Variants in MYO7A observed in about 807,000 individuals in gnomAD.
MYO7A encodes unconventional myosin-VIIa.
In MYO7A, 210 loss-of-function variants were observed where a neutral mutation model predicts 263.8. That is an observed-to-expected ratio of 0.80 (90% CI 0.71 to 0.89). The LOEUF is 0.89. Ranked by LOEUF, MYO7A falls within the 40% of genes least tolerant of loss-of-function variation. The pLI, the probability that MYO7A is intolerant of heterozygous loss-of-function variation, is 0.00. For synonymous variants in MYO7A, 1,239 were observed against 1,197.3 expected (o/e 1.03, Z -0.72); for missense variants, 2,820 against 2,968.3 (o/e 0.95, Z 1.16).
chr11:77,160,996 G>A lies in MYO7A; in HGVS notation c.1224G>A (p.Val408=). The A allele has an allele frequency of 6.2e-7, 1 of 1,610,682 alleles. No homozygotes were observed. Among genetic ancestry groups the A allele is most frequent in the Non-Finnish European group, 8.5e-7 (1 of 1,178,602 alleles). ...FVKGIYGRLF[V]WIVDKINAAI... ...AGGGGATCTACGGGCGGCTGTTCGT[G>A]TGGATTGTGGACAAGATCAACGCAG... The change falls in exon 12 of 49, where the codon GTG becomes GTA. Residue 408 remains valine, a synonymous_variant. Coordinates refer to ENST00000409709, the MANE Select transcript of MYO7A (RefSeq NM_000260.4).
rs782041910 is a variant in MYO7A, at chr11:77,156,103, A to T, written c.470+12A>T. ...TGCTGCATCATCAGGTGGGCGGCCC[A>T]GCACCTGTGTGGAGCTCCAGGCTTA... On this transcript the variant is annotated intron_variant, in intron 5 of 48. Coordinates refer to ENST00000409709, the MANE Select transcript of MYO7A (RefSeq NM_000260.4). 1 of 1,613,126 alleles carries T rather than the reference A, an allele frequency of 6.2e-7. No homozygotes were observed. The highest frequency in any genetic ancestry group is 8.5e-7 in the Non-Finnish European group (1 of 1,179,634).
Position 77,207,405 on chromosome 11 carries a change from G to A in MYO7A, c.5856+3G>A. ...TCTTTGTCAAAATTGCAGACAAGGT[G>A]GGTCCTTTGCCACCTTCGCCAAGGT... On this transcript the variant is annotated splice_donor_region_variant and intron_variant, in intron 42 of 48. Coordinates refer to ENST00000409709, the MANE Select transcript of MYO7A (RefSeq NM_000260.4). The A allele has an allele frequency of 2.5e-6, 4 of 1,594,988 alleles. No homozygotes were observed. Among genetic ancestry groups the A allele is most frequent in the Non-Finnish European group, 3.4e-6 (4 of 1,168,118 alleles).
chr11:77,143,511 G>A (rs1345017106), intron 3 of MYO7A, among the ~76,000 whole-genome samples: 1 of 152,238 alleles, frequency 6.6e-6, no homozygotes, highest in Non-Finnish European at 1.5e-5. Flanking sequence ...GGGGAGGGAA[G>A]GAGAGGTCTG....
intron 7 of MYO7A, 125 bp downstream of exon 7, chr11:77,157,129 C>A: frequency 6.9e-7 from 1 of 1,452,926 alleles, no homozygotes; most frequent in Non-Finnish European, 9.4e-7. Flanking sequence ...TGCCTGCTTC[C>A]CTCTGTGCTG....
rs1555085436 is a variant in MYO7A, at chr11:77,182,459, C to T, written c.3144C>T (p.Phe1048=). Residue 1048 remains phenylalanine, a synonymous_variant, in exon 25 of 49, where the codon TTC becomes TTT. Transcript: ENST00000409709. The stretch of plus-strand genomic sequence containing the variant: ...CGGTCTGGATCACCATCCTCCGCTT[C>T]ATGGGGGACCTCCCTGAGCCCAAGT... ...ALAVWITILR[F]MGDLPEPKYH... The T allele has an allele frequency of 6.2e-7, 1 of 1,609,386 alleles. No individual in the cohort carries two copies. Among genetic ancestry groups the T allele is most frequent in the South Asian group, 1.1e-5 (1 of 91,074 alleles).
chr11:77,189,644 C>G (rs782624754), intron 28 of MYO7A, among the ~76,000 whole-genome samples, 174 bp downstream of exon 28: 47 of 152,212 alleles, frequency 3.1e-4, no homozygotes, highest in Non-Finnish European at 4.9e-4. Flanking sequence ...CACCTCTTTT[C>G]CCCACACTCC....
chr11:77,207,923 A>G (rs1420661438), intron 42 of MYO7A, among the ~76,000 whole-genome samples: 1 of 152,192 alleles, frequency 6.6e-6, no homozygotes, highest in Non-Finnish European at 1.5e-5. Flanking sequence ...GAAGTCTTCC[A>G]GGCCCAGCTA....
At chr11:77,171,688 G>T (rs1033827076) in intron 15 of MYO7A, among the ~76,000 whole-genome samples, 1 of 152,098 alleles carries the variant, frequency 6.6e-6, no homozygotes, top group Non-Finnish European at 1.5e-5. Context: ...TAAAAATCTT[G>T]CAATATTAAT....
At chr11:77,154,167 G>A (rs148218168) in intron 4 of MYO7A, among the ~76,000 whole-genome samples, 61 of 152,336 alleles carry the variant, frequency 4.0e-4, no homozygotes, top group African/African-American at 1.4e-3. Flanking sequence ...CAAAGGTTAT[G>A]TCTTTGCCCT....
chr11:77,141,783 G>A (rs534177450), intron 2 of MYO7A, among the ~76,000 whole-genome samples: 52 of 152,320 alleles, frequency 3.4e-4, no homozygotes, highest in African/African-American at 1.1e-3. Context: ...CCTCCATGGA[G>A]CGGCTCCATT....
At chr11:77,180,974 T>G (rs1351763802) in intron 22 of MYO7A, among the ~76,000 whole-genome samples, 4 of 152,264 alleles carry the variant, frequency 2.6e-5, no homozygotes, top group Non-Finnish European at 5.9e-5. Flanking sequence ...TGGGAAATAT[T>G]GAGTTAAATA....
rs1953130575 is a variant in MYO7A at position 77,162,866 on chromosome 11, C to T, written c.1568C>T (p.Thr523Ile). The T allele has an allele frequency of 6.2e-7, 1 of 1,613,670 alleles. No homozygotes were observed. Among genetic ancestry groups the T allele is most frequent in the African/African-American group, 1.3e-5 (1 of 74,840 alleles). ...TCCACTCCCCAGGGCACAGACACCA[C>T]CATGTTACACAAGCTGAACTCCCAG... ...ESKFPKGTDT[T>I]MLHKLNSQHK... The change falls in exon 14 of 49, where the codon ACC becomes ATC. Residue 523 changes from threonine (T) to isoleucine (I), a missense_variant. Thr to Ile is a moderately conservative substitution (Grantham distance 89). Coordinates refer to ENST00000409709, the MANE Select transcript of MYO7A (RefSeq NM_000260.4).
chr11:77,179,847 A>ATCTGGTGCGCAAGGCCTTC lies in MYO7A; in HGVS notation c.2481_2499dup (p.Arg834SerfsTer35). On this transcript the variant is annotated frameshift_variant, in exon 21 of 49. Transcript: ENST00000409709. LOFTEE classifies it high-confidence loss of function. ...CAGTTCCAGGCCCGCTGCCGCGCCTATCTGGTGCGCAAGGCCTTCCGCCAC... is the reference window on the plus strand; with the variant it reads ...CAGTTCCAGGCCCGCTGCCGCGCCTATCTGGTGCGCAAGGCCTTCTCTGGTGCGCAAGGCCTTCCGCCAC... The ATCTGGTGCGCAAGGCCTTC allele has an allele frequency of 6.5e-7, 1 of 1,542,558 alleles. No homozygotes were observed. The highest frequency in any genetic ancestry group is 1.2e-5 in the South Asian group (1 of 84,012).
intron 33 of MYO7A, among the ~76,000 whole-genome samples, chr11:77,198,289 G>A (rs1292360293): frequency 6.6e-6 from 1 of 152,230 alleles, no homozygotes; most frequent in African/African-American, 2.4e-5. Context: ...GCAGGAGTGG[G>A]ACCCAAACCA....
intron 2 of MYO7A, among the ~76,000 whole-genome samples, chr11:77,140,301 G>A (rs553646392): frequency 4.6e-5 from 7 of 152,308 alleles, no homozygotes; most frequent in Admixed American, 1.3e-4. Context: ...CTGGGCGGGG[G>A]AGGACTCTAT....
intron 4 of MYO7A, 142 bp downstream of exon 4, chr11:77,148,092 C>T (rs902378832): frequency 1.7e-5 from 13 of 773,054 alleles, no homozygotes; most frequent in Non-Finnish European, 2.3e-5. Context: ...GCAGCTGGAC[C>T]CCGGGGCCCC....
rs992967931 is a variant in MYO7A, at chr11:77,207,324, C to T, written c.5778C>T (p.Asp1926=). ...TGGAGTCCAGCACCAAGGCCAAGGA[C>T]TTCTGCCAGAACATCGCCACCAGGC... The part of the protein sequence containing the change: ...FEVESSTKAK[D]FCQNIATRLL... The change falls in exon 42 of 49, where the codon GAC becomes GAT. Residue 1926 remains aspartate, a synonymous_variant. Transcript: ENST00000409709. The T allele has an allele frequency of 4.3e-6, 7 of 1,612,626 alleles. No homozygotes were observed. Among genetic ancestry groups the T allele is most frequent in the Admixed American group, 1.7e-5 (1 of 59,880 alleles).
At chr11:77,192,383 G>C in intron 31 of MYO7A, 105 bp downstream of exon 31, 1 of 1,200,618 alleles carries the variant, frequency 8.3e-7, no homozygotes, top group Non-Finnish European at 1.2e-6. Context: ...CTCAGGCTGG[G>C]GTGAGCCTGA....
At chr11:77,212,502 G>A (rs770200432) in intron 46 of MYO7A, 3 of 341,072 alleles carry the variant, frequency 8.8e-6, no homozygotes, top group Non-Finnish European at 1.7e-5. Flanking sequence ...CAGGTGACGT[G>A]GCCAGAAAGC....
Sources: gnomAD v4.1 joint callset for allele counts (sites outside exome capture counted in the v4.1 genomes callset) on GRCh38, gnomAD v4.1.1 for gene constraint, MANE v1.5 for transcripts, NCBI Gene and HGNC (gene_info 2026-07-23, HGNC 2026-07-21) for gene names.